KCNQ1OT1: variants seen among roughly 807,000 people sequenced by gnomAD.
The protein encoded by KCNQ1OT1 is KCNQ1 antisense RNA 2 (non-protein coding).
Position 2,651,975 on chromosome 11 carries a change from T to C in KCNQ1OT1, n.48020A>G. 2.5e-6 allele frequency: 1 copy of C among 398,688 alleles called. No homozygotes were observed. The highest frequency in any genetic ancestry group is 4.4e-6 in the Non-Finnish European group (1 of 226,106). 24.7% of individuals were successfully genotyped at this position (398,688 alleles called of 1,614,324 possible). A position where few individuals can be genotyped will look rare whatever the true frequency, so the allele number is the denominator to read the frequency against. ...CAGCAGTGGGGGAGCCAAGCTGAGTTGATTACTTTTGACATCAGTTGTTAA... is the reference window on the plus strand; with the variant it reads ...CAGCAGTGGGGGAGCCAAGCTGAGTCGATTACTTTTGACATCAGTTGTTAA... On this transcript the variant is annotated non_coding_transcript_exon_variant, in exon 1 of 1. Transcript: ENST00000597346. This position sits in a 1 kb window ranked among gnomAD's most constrained non-coding sequence, Gnocchi z 6.1.
In KCNQ1OT1 at chr11:2,679,964, G is replaced by A. The variant is rs1008894888; in HGVS notation, n.20031C>T. The A allele has an allele frequency of 5.0e-6, 2 of 397,088 alleles. No homozygotes were observed. The highest frequency in any genetic ancestry group is 4.1e-5 in the African/African-American group (2 of 48,490). 24.6% of individuals were successfully genotyped at this position (397,088 alleles called of 1,614,324 possible). A position where few individuals can be genotyped will look rare whatever the true frequency, so the allele number is the denominator to read the frequency against. Reference sequence around the variant, plus strand: ...GCGGGAATGCAGTGGCACAGTCTCGGCTTACTGCAACCTCTACCTCCTGGG... The same window carrying A: ...GCGGGAATGCAGTGGCACAGTCTCGACTTACTGCAACCTCTACCTCCTGGG... On this transcript the variant is annotated non_coding_transcript_exon_variant, in exon 1 of 1. Transcript: ENST00000597346. This position sits in a 1 kb window ranked among gnomAD's most constrained non-coding sequence, Gnocchi z 4.8.
exon 1 of KCNQ1OT1, chr11:2,628,412 C>G: frequency 2.5e-6 from 1 of 398,400 alleles, no homozygotes; most frequent in Non-Finnish European, 4.4e-6. Context: ...TTTTTATATA[C>G]CTGTTGACCA....
exon 1 of KCNQ1OT1, chr11:2,628,096 C>T: frequency 2.5e-6 from 1 of 398,598 alleles, no homozygotes; most frequent in Non-Finnish European, 4.4e-6. Flanking sequence ...CTACAATGAA[C>T]ATGGGAGTGC....
In KCNQ1OT1 at chr11:2,653,348, C is replaced by T. The variant is rs1849787058; in HGVS notation, n.46647G>A. The T allele has an allele frequency of 5.0e-6, 2 of 398,772 alleles. No homozygotes were observed. The highest frequency in any genetic ancestry group is 4.4e-5 in the Admixed American group (1 of 22,748). 24.7% of individuals were successfully genotyped at this position (398,772 alleles called of 1,614,324 possible). On this transcript the variant is annotated non_coding_transcript_exon_variant, in exon 1 of 1. Coordinates refer to ENST00000597346, the Ensembl canonical transcript of KCNQ1OT1. The surrounding 1 kb of genome is among the most constrained non-coding windows in gnomAD (Gnocchi z 5.3). ...CCCCAGGCCCATGTCCGTAGGCTCA[C>T]ACCTCACCCCCAACTTTGTCATGCA...
chr11:2,616,207 T>A (rs1849061196), exon 1 of KCNQ1OT1: 2 of 397,616 alleles, frequency 5.0e-6, no homozygotes, highest in Non-Finnish European at 8.9e-6. Flanking sequence ...CACTTTTGTT[T>A]TTTTTTCTTA....
Position 2,612,418 on chromosome 11 carries a change from C to A in KCNQ1OT1, n.87577G>T, listed in dbSNP as rs984948967. The A allele has an allele frequency of 2.5e-6, 1 of 398,438 alleles. No individual in the cohort carries two copies. Among genetic ancestry groups the A allele is most frequent in the African/African-American group, 2.1e-5 (1 of 48,596 alleles). 24.7% of individuals were successfully genotyped at this position (398,438 alleles called of 1,614,324 possible). ...CTATATTATGGTATCCAATGGGTAT[C>A]TCTTCATTTTTCTTCATTATTTTTC... On this transcript the variant is annotated non_coding_transcript_exon_variant, in exon 1 of 1. Coordinates refer to ENST00000597346, the Ensembl canonical transcript of KCNQ1OT1. The surrounding 1 kb of genome is among the most constrained non-coding windows in gnomAD (Gnocchi z 5.5).
At chr11:2,614,670 A>G in exon 1 of KCNQ1OT1, 1 of 398,474 alleles carries the variant, frequency 2.5e-6, no homozygotes, top group Non-Finnish European at 4.4e-6. Flanking sequence ...ATTTGTTGAA[A>G]ATGAATTGAT....
rs1338207724 is a variant in KCNQ1OT1 at position 2,698,041 on chromosome 11, T to C, written n.1954A>G. On this transcript the variant is annotated non_coding_transcript_exon_variant, in exon 1 of 1. Transcript: ENST00000597346. This position sits in a 1 kb window ranked among gnomAD's most constrained non-coding sequence, Gnocchi z 5.1. Reference sequence around the variant, plus strand: ...CAGAAATGGATCATTTGAGACACCATAGAAATCTGGTTAATCCTGCCTGCC... The same window carrying C: ...CAGAAATGGATCATTTGAGACACCACAGAAATCTGGTTAATCCTGCCTGCC... 1 of 398,560 alleles carries C rather than the reference T, an allele frequency of 2.5e-6. No homozygotes were observed. Among genetic ancestry groups the C allele is most frequent in the Non-Finnish European group, 4.4e-6 (1 of 226,074 alleles). 24.7% of individuals were successfully genotyped at this position (398,560 alleles called of 1,614,324 possible). A position where few individuals can be genotyped will look rare whatever the true frequency, so the allele number is the denominator to read the frequency against.
chr11:2,683,953 GC>G lies in KCNQ1OT1; in HGVS notation n.16041del. On this transcript the variant is annotated non_coding_transcript_exon_variant, in exon 1 of 1. Transcript: ENST00000597346. This position sits in a 1 kb window ranked among gnomAD's most constrained non-coding sequence, Gnocchi z 4.7. ...CATAGTCAGACAAAACCAGCTGACT[GC>G]TTTTACTTTTTTTTTTTTTTCATTT... 2 of 396,002 alleles carry G rather than the reference GC, an allele frequency of 5.1e-6. No individual in the cohort carries two copies. Among genetic ancestry groups the G allele is most frequent in the Non-Finnish European group, 8.9e-6 (2 of 225,800 alleles). 24.5% of individuals were successfully genotyped at this position (396,002 alleles called of 1,614,324 possible).
exon 1 of KCNQ1OT1, chr11:2,632,390 C>T (rs552079504): frequency 1.5e-5 from 6 of 398,346 alleles, no homozygotes; most frequent in African/African-American, 1.2e-4. Context: ...GGCTAGAAAG[C>T]CACTACTATG....
chr11:2,618,128 T>C (rs897091409), exon 1 of KCNQ1OT1: 3 of 398,412 alleles, frequency 7.5e-6, no homozygotes, highest in African/African-American at 6.2e-5. Context: ...TTTTCCCCTA[T>C]GTTTTCTTCT....
At chr11:2,614,475 A>G (rs910929265) in exon 1 of KCNQ1OT1, 1 of 398,308 alleles carries the variant, frequency 2.5e-6, no homozygotes, top group East Asian at 3.6e-5. Context: ...AGTCATAAAG[A>G]TTTACTCCTG....
exon 1 of KCNQ1OT1, chr11:2,696,373 T>G: frequency 2.5e-6 from 1 of 398,658 alleles, no homozygotes; most frequent in Non-Finnish European, 4.4e-6. Context: ...CCCACTGATA[T>G]GTGGTGCCAC....
chr11:2,647,338 G>T lies in KCNQ1OT1; in HGVS notation n.52657C>A. ...CTGGGATAAATCCCACTTGATTATGGTGTATTATCTTTTTGATGTGCGATT... is the reference window on the plus strand; with the variant it reads ...CTGGGATAAATCCCACTTGATTATGTTGTATTATCTTTTTGATGTGCGATT... On this transcript the variant is annotated non_coding_transcript_exon_variant, in exon 1 of 1. Transcript: ENST00000597346. The surrounding 1 kb of genome is among the most constrained non-coding windows in gnomAD (Gnocchi z 4.0). 1 of 398,426 alleles carries T rather than the reference G, an allele frequency of 2.5e-6. No individual in the cohort carries two copies. Among genetic ancestry groups the T allele is most frequent in the Non-Finnish European group, 4.4e-6 (1 of 226,014 alleles). The allele number at this position is 398,426 out of a possible 1,614,324, so 24.7% of individuals were successfully genotyped here.
At chr11:2,614,074 A>C in exon 1 of KCNQ1OT1, 1 of 398,538 alleles carries the variant, frequency 2.5e-6, no homozygotes, top group East Asian at 3.6e-5. Context: ...TTATGCTTGC[A>C]TGTGTAGGTG....
exon 1 of KCNQ1OT1, chr11:2,696,421 C>T (rs1850677436): frequency 2.5e-6 from 1 of 398,692 alleles, no homozygotes; most frequent in Non-Finnish European, 4.4e-6. Flanking sequence ...CTTGGAGTTA[C>T]CTCTGAGCTC....
In KCNQ1OT1 at chr11:2,615,948, C is replaced by G. The variant is rs746824239; in HGVS notation, n.84047G>C. On this transcript the variant is annotated non_coding_transcript_exon_variant, in exon 1 of 1. Coordinates refer to ENST00000597346, the Ensembl canonical transcript of KCNQ1OT1. ...TTGAGAGGGATTGGTGTGAATTCTT[C>G]AAGTGTTTGGTATAATTCAACAGTG... is the stretch of plus-strand genomic sequence containing the variant. The G allele has an allele frequency of 3.2e-4, 127 of 397,958 alleles. 6 individuals are homozygous for G. The highest frequency in any genetic ancestry group is 1.6e-4 in the Non-Finnish European group (37 of 225,770). The allele number at this position is 397,958 out of a possible 1,614,324, so 24.7% of individuals were successfully genotyped here. A position where few individuals can be genotyped will look rare whatever the true frequency, so the allele number is the denominator to read the frequency against.
At position 2,657,622 on chromosome 11, in the gene KCNQ1OT1, T is replaced by C. The variant is rs541035754; in HGVS notation, n.42373A>G. The C allele has an allele frequency of 2.5e-6, 1 of 398,630 alleles. No individual in the cohort carries two copies. The highest frequency in any genetic ancestry group is 1.3e-4 in the South Asian group (1 of 7,858). 24.7% of individuals were successfully genotyped at this position (398,630 alleles called of 1,614,324 possible). A position where few individuals can be genotyped will look rare whatever the true frequency, so the allele number is the denominator to read the frequency against. On this transcript the variant is annotated non_coding_transcript_exon_variant, in exon 1 of 1. Transcript: ENST00000597346. This position sits in a 1 kb window ranked among gnomAD's most constrained non-coding sequence, Gnocchi z 4.8. ...AACTAAAAAATTAACATTGGTACAC[T>C]ATTAAGCTAGAGTTATAAATTTATT...
exon 1 of KCNQ1OT1, chr11:2,619,253 T>A: frequency 2.5e-6 from 1 of 398,570 alleles, no homozygotes; most frequent in East Asian, 3.6e-5. Context: ...TGCCTTGTAC[T>A]GGTTCATAGT....
Sources: gnomAD v4.1 joint callset for allele counts on GRCh38, gnomAD v4.1.1 for gene constraint, Gnocchi (gnomAD v3.1) non-coding constraint, MANE v1.5 for transcripts, NCBI Gene and HGNC (gene_info 2026-07-23, HGNC 2026-07-21) for gene names.